The following COL22A1 variants were observed in gnomAD, a reference collection of about 807,000 sequenced individuals.
The protein encoded by COL22A1 is collagen alpha-1(XXII) chain.
In COL22A1, 221 loss-of-function variants were observed where a neutral mutation model predicts 248.9. The ratio of observed to expected loss-of-function variants is 0.89; its 90% CI spans 0.80 to 0.99. The LOEUF (loss-of-function observed/expected upper bound fraction) is 0.99. COL22A1 is among the 50% of genes least tolerant of loss of function. COL22A1 has a pLI of 0.00. For missense variants in COL22A1, 2,240 were observed against 2,179.0 expected (o/e 1.03, Z -0.56); for synonymous variants, 891 against 793.4 (o/e 1.12, Z -2.07).
At position 138,616,903 on chromosome 8, in the gene COL22A1, C is replaced by G; in HGVS notation, c.3870+11G>C. 2 of 1,613,986 alleles carry G rather than the reference C, an allele frequency of 1.2e-6. No individual in the cohort carries two copies. The highest frequency in any genetic ancestry group is 1.7e-6 in the Non-Finnish European group (2 of 1,179,992). The stretch of plus-strand genomic sequence containing the variant: ...ACCTGGGGGGACCTCCAAAGTGAGG[C>G]GCCCACTTACCCGGGGACCGGGTGC... On this transcript the variant is annotated intron_variant, in intron 54 of 64. Coordinates refer to ENST00000303045, the MANE Select transcript of COL22A1 (RefSeq NM_152888.3).
At chr8:138,876,202 T>C in intron 3 of COL22A1, among the ~76,000 whole-genome samples, 1 of 152,170 alleles carries the variant, frequency 6.6e-6, no homozygotes. Context: ...CATGGTTCAT[T>C]GACCATGTCA....
intron 12 of COL22A1, among the ~76,000 whole-genome samples, chr8:138,792,979 T>C (rs534174251): frequency 3.9e-4 from 59 of 152,214 alleles, no homozygotes; most frequent in Non-Finnish European, 5.4e-4. Context: ...GGCACAGCAT[T>C]GCCTTCCCTG....
At chr8:138,731,217 C>T (rs1034603879) in intron 23 of COL22A1, among the ~76,000 whole-genome samples, 3 of 152,066 alleles carry the variant, frequency 2.0e-5, no homozygotes, top group African/African-American at 7.2e-5. Context: ...AGGAGAATCG[C>T]TTGAACCTGG....
chr8:138,894,444 C>T (rs1825262706), intron 1 of COL22A1, among the ~76,000 whole-genome samples: 1 of 152,154 alleles, frequency 6.6e-6, no homozygotes, highest in Admixed American at 6.5e-5. Context: ...GGGAGAAGAA[C>T]ATCTGGAAGC....
chr8:138,674,321 A>G lies in COL22A1; in HGVS notation c.3150+2237T>C, dbSNP rs557279206. 7.2e-5 allele frequency among the ~76,000 whole-genome samples: 11 copies of G among 152,264 alleles called. No individual in the cohort carries two copies. In the East Asian group the frequency reaches 1.2e-3, roughly 16 times the overall value. On this transcript the variant is annotated intron_variant, in intron 41 of 64. Transcript: ENST00000303045. ...CAACTGCATCCCCAGTGAACTTGAC[A>G]TGTACCCACCCCCACGCTGACCCCT...
intron 30 of COL22A1, among the ~76,000 whole-genome samples, chr8:138,713,726 C>T (rs1286776148): frequency 2.0e-5 from 3 of 147,534 alleles, no homozygotes; most frequent in Non-Finnish European, 4.5e-5. Context: ...ACCGCCCCGC[C>T]GTAGGGGGTT....
At chr8:138,887,638 A>G (rs1824763753) in intron 1 of COL22A1, among the ~76,000 whole-genome samples, 3 of 152,174 alleles carry the variant, frequency 2.0e-5, no homozygotes, top group South Asian at 4.1e-4. Context: ...TTTAATTGCA[A>G]TTTCTACTTT....
chr8:138,839,114 C>A (rs1820667902), intron 4 of COL22A1, among the ~76,000 whole-genome samples: 1 of 152,168 alleles, frequency 6.6e-6, no homozygotes, highest in Non-Finnish European at 1.5e-5. Flanking sequence ...TTTCTCCATC[C>A]TTAAAATGCC....
At chr8:138,659,176 A>C (rs1286107472) in intron 44 of COL22A1, among the ~76,000 whole-genome samples, 1 of 152,138 alleles carries the variant, frequency 6.6e-6, no homozygotes, top group Non-Finnish European at 1.5e-5. Flanking sequence ...ACAGGGGAGG[A>C]AACAGGAGTA....
At chr8:138,622,347 G>T (rs1196069535) in intron 52 of COL22A1, among the ~76,000 whole-genome samples, 1 of 152,164 alleles carries the variant, frequency 6.6e-6, no homozygotes, top group East Asian at 1.9e-4. Flanking sequence ...GATGCTTTCT[G>T]AGTCACCCAG....
At chr8:138,844,284 G>A (rs1352016941) in intron 3 of COL22A1, 126 bp from the exon 4 acceptor site, 5 of 820,568 alleles carry the variant, frequency 6.1e-6, no homozygotes, top group Non-Finnish European at 1.1e-5. Flanking sequence ...GCCTGGAGAA[G>A]ATGCAGAGGC....
intron 4 of COL22A1, among the ~76,000 whole-genome samples, chr8:138,837,004 G>T (rs1434662374): frequency 6.6e-6 from 1 of 152,172 alleles, no homozygotes; most frequent in African/African-American, 2.4e-5. Context: ...GGACAGTGAG[G>T]AAGTTATCCG....
At chr8:138,843,892 G>A (rs1054890720) in intron 4 of COL22A1, among the ~76,000 whole-genome samples, 192 bp downstream of exon 4, 3 of 152,204 alleles carry the variant, frequency 2.0e-5, no homozygotes, top group Admixed American at 6.5e-5. Context: ...GTGAATGTAT[G>A]TTCTTTCCTG....
chr8:138,873,819 G>A (rs553399345), intron 3 of COL22A1, among the ~76,000 whole-genome samples: 1 of 152,332 alleles, frequency 6.6e-6, no homozygotes, highest in South Asian at 2.1e-4. Context: ...ATGGATAAAT[G>A]ACATTGAATT....
At chr8:138,843,989 G>T in intron 4 of COL22A1, 95 bp downstream of exon 4, 4 of 1,064,488 alleles carry the variant, frequency 3.8e-6, no homozygotes, top group Non-Finnish European at 5.9e-6. Flanking sequence ...CAAGAACAGG[G>T]TCAGTGAGGC....
At chr8:138,804,529 C>T (rs1162347686) in intron 10 of COL22A1, among the ~76,000 whole-genome samples, 3 of 152,196 alleles carry the variant, frequency 2.0e-5, no homozygotes, top group Admixed American at 1.3e-4. Flanking sequence ...AGGTAGTTTG[C>T]GCTTTCCTCC....
chr8:138,829,759 A>G (rs1051562311), intron 5 of COL22A1, among the ~76,000 whole-genome samples: 1 of 151,990 alleles, frequency 6.6e-6, no homozygotes, highest in Non-Finnish European at 1.5e-5. Flanking sequence ...TTATTTTCTT[A>G]ATGAATCCAA....
In COL22A1 at chr8:138,790,788, C is replaced by T. The variant is rs1021966022; in HGVS notation, c.1596+6031G>A. 3.3e-5 allele frequency among the ~76,000 whole-genome samples: 5 copies of T among 152,274 alleles called. No individual in the cohort carries two copies. The East Asian group carries it at 7.7e-4, about 24-fold the overall frequency. ...AGAAGCACGACTGAGTAGGAACATA[C>T]CTTCTTTCCAATGGCTGTGCCCTAT... On this transcript the variant is annotated intron_variant, in intron 12 of 64. Coordinates refer to ENST00000303045, the MANE Select transcript of COL22A1 (RefSeq NM_152888.3).
chr8:138,760,988 C>A (rs1050873865), intron 17 of COL22A1, among the ~76,000 whole-genome samples: 1 of 152,164 alleles, frequency 6.6e-6, no homozygotes, highest in Non-Finnish European at 1.5e-5. Flanking sequence ...CAATCAATCT[C>A]CATCCATGGA....
Sources: gnomAD v4.1 joint callset for allele counts (sites outside exome capture counted in the v4.1 genomes callset) on GRCh38, gnomAD v4.1.1 for gene constraint, MANE v1.5 for transcripts, NCBI Gene and HGNC (gene_info 2026-07-23, HGNC 2026-07-21) for gene names.